Variants in EYS observed in about 807,000 individuals in gnomAD.
The protein encoded by EYS is EGF-like photoreceptor maintenance factor.
In EYS, 250 loss-of-function variants were observed where a neutral mutation model predicts 282.1. That is an observed-to-expected ratio of 0.89 (90% CI 0.80 to 0.98). The LOEUF (loss-of-function observed/expected upper bound fraction) is 0.98. Among genes scored for constraint, EYS ranks in the 50% least tolerant of loss-of-function variants. EYS has a pLI of 0.00. For missense variants in EYS, 4,016 were observed against 3,709.0 expected, an observed-to-expected ratio of 1.08 and a Z score of -2.15; for synonymous variants, 1,355 against 1,282.9, an observed-to-expected ratio of 1.06 and a Z score of -1.20.
chr6:65,103,399 G>A (rs1454972086), intron 12 of EYS, among the ~76,000 whole-genome samples: 7 of 151,390 alleles, frequency 4.6e-5, no homozygotes, highest in African/African-American at 1.7e-4. Context: ...ACATCCAATA[G>A]AGCTTTTTTA....
chr6:63,914,145 C>T (rs769868498), intron 35 of EYS, among the ~76,000 whole-genome samples: 2 of 152,116 alleles, frequency 1.3e-5, no homozygotes, highest in African/African-American at 4.8e-5. Flanking sequence ...CTCTAGGACT[C>T]CCTATACCCC....
At chr6:65,546,401 G>A (rs1311861800) in intron 2 of EYS, among the ~76,000 whole-genome samples, 1 of 151,416 alleles carries the variant, frequency 6.6e-6, no homozygotes, top group East Asian at 1.9e-4. Flanking sequence ...TGGCAAAACT[G>A]TGACTCTGTA....
chr6:64,692,687 C>A (rs185661554), intron 22 of EYS, among the ~76,000 whole-genome samples: 1 of 152,102 alleles, frequency 6.6e-6, no homozygotes, highest in African/African-American at 2.4e-5. Context: ...GGTAGGCATC[C>A]AGCTTCAGCC....
At chr6:64,446,648 T>C (rs76275933) in intron 26 of EYS, among the ~76,000 whole-genome samples, 5,118 of 152,150 alleles carry the variant, frequency 0.034, 200 homozygotes, top group African/African-American at 0.092. Flanking sequence ...TGTTTCTATA[T>C]ACAAGATTAA....
At chr6:65,316,377 A>G (rs1769295724) in intron 11 of EYS, among the ~76,000 whole-genome samples, 1 of 151,878 alleles carries the variant, frequency 6.6e-6, no homozygotes, top group Middle Eastern at 3.2e-3. Flanking sequence ...TTGATTTATT[A>G]TTTTCTCTTT....
At chr6:64,667,132 G>T (rs923520067) in intron 22 of EYS, among the ~76,000 whole-genome samples, 4 of 150,672 alleles carry the variant, frequency 2.7e-5, no homozygotes, top group South Asian at 4.2e-4. Context: ...AGGATTCTCT[G>T]CTTAATGAAA....
In EYS at chr6:65,405,365, G is replaced by C. The variant is rs772145998; in HGVS notation, c.865C>G (p.Pro289Ala). ...GGTTTTGCTGACACCTCACAGAATGGACCTTAAAAAAATCACACACAAGAA... is the reference window on the plus strand; with the variant it reads ...GGTTTTGCTGACACCTCACAGAATGCACCTTAAAAAAATCACACACAAGAA... ...ICECDEQFSG[P>A]FCEVSAKPCV... The change falls in exon 6 of 43, where the codon CCA (proline) becomes GCA (alanine). Residue 289 changes from proline (P) to alanine (A), a missense_variant and splice_region_variant. Coordinates refer to ENST00000503581, the MANE Select transcript of EYS (RefSeq NM_001142800.2). 3.1e-5 allele frequency: 49 copies of C among 1,590,864 alleles called. 1 individual carries two copies. In the South Asian group the frequency reaches 4.9e-4, roughly 16 times the overall value.
chr6:64,112,585 T>G (rs114355304), intron 31 of EYS, among the ~76,000 whole-genome samples: 4,347 of 151,846 alleles, frequency 0.029, 68 homozygotes, highest in Non-Finnish European at 0.046. Flanking sequence ...CATTATACAT[T>G]GACAACCAGT....
In EYS at chr6:65,057,706, A is replaced by G; in HGVS notation, c.2045T>C (p.Ile682Thr). ...GCAGGGATGTGAAGCACACTCATCT[A>G]TATCAATTTCACATTGCGTACCTTT... ...GFKGTQCEID[I>T]DECASHPCKN... The change falls in exon 13 of 43, where the codon ATA becomes ACA. Residue 682 changes from isoleucine (I) to threonine (T), a missense_variant. Coordinates refer to ENST00000503581, the MANE Select transcript of EYS (RefSeq NM_001142800.2). 2 of 1,550,136 alleles carry G rather than the reference A, an allele frequency of 1.3e-6. No homozygotes were observed. The highest frequency in any genetic ancestry group is 1.2e-5 in the South Asian group (1 of 84,012).
chr6:65,091,803 C>T (rs1423252921), intron 12 of EYS, among the ~76,000 whole-genome samples: 7 of 152,024 alleles, frequency 4.6e-5, no homozygotes, highest in Non-Finnish European at 1.0e-4. Flanking sequence ...TGTAGCCATT[C>T]GGTTGTAACC....
intron 2 of EYS, among the ~76,000 whole-genome samples, chr6:65,626,887 G>A (rs1275340111): frequency 1.5e-5 from 2 of 129,264 alleles, no homozygotes; most frequent in African/African-American, 2.5e-5. Flanking sequence ...ATGGAAATGG[G>A]CATATTATGT....
intron 12 of EYS, among the ~76,000 whole-genome samples, chr6:65,153,892 G>A (rs183285921): frequency 7.2e-5 from 11 of 151,838 alleles, no homozygotes; most frequent in African/African-American, 2.4e-4. Flanking sequence ...CTTCACAAGT[G>A]ACATTTATAT....
chr6:64,345,104 C>T (rs1019577583), intron 29 of EYS, among the ~76,000 whole-genome samples: 32 of 151,910 alleles, frequency 2.1e-4, no homozygotes, highest in African/African-American at 3.6e-4. Context: ...GACTCAATAT[C>T]GTGAAAATGG....
chr6:64,990,660 C>T (rs1187545314), intron 14 of EYS, among the ~76,000 whole-genome samples: 1 of 151,556 alleles, frequency 6.6e-6, no homozygotes, highest in African/African-American at 2.4e-5. Flanking sequence ...TCTCAGTGAT[C>T]TGCTATGTCT....
intron 12 of EYS, among the ~76,000 whole-genome samples, chr6:65,293,700 G>A (rs914327045): frequency 6.6e-5 from 10 of 151,828 alleles, no homozygotes; most frequent in African/African-American, 2.4e-4. Flanking sequence ...CTGGACGCTA[G>A]AGCTACCAAC....
chr6:64,513,016 A>G (rs1488757179), intron 26 of EYS, among the ~76,000 whole-genome samples: 1 of 151,904 alleles, frequency 6.6e-6, no homozygotes, highest in Non-Finnish European at 1.5e-5. Context: ...TAAAGGAAAA[A>G]AAAAAGAAAC....
chr6:64,546,602 A>C (rs1404143908), intron 26 of EYS, among the ~76,000 whole-genome samples: 1 of 152,206 alleles, frequency 6.6e-6, no homozygotes, highest in Non-Finnish European at 1.5e-5. Flanking sequence ...GAATGGGAGA[A>C]AGTTTTTGCA....
intron 31 of EYS, among the ~76,000 whole-genome samples, chr6:64,139,740 G>A (rs986125318): frequency 8.5e-5 from 13 of 152,202 alleles, no homozygotes; most frequent in African/African-American, 3.1e-4. Context: ...GGAGGCCGAG[G>A]TGGAAGGATC....
chr6:64,234,964 G>A (rs1766540471), intron 30 of EYS, among the ~76,000 whole-genome samples: 4 of 151,390 alleles, frequency 2.6e-5, no homozygotes, highest in Admixed American at 2.6e-4. Context: ...TGCAACCCCC[G>A]CCTCCCGGGT....
Sources: gnomAD v4.1 joint callset for allele counts (sites outside exome capture counted in the v4.1 genomes callset) on GRCh38, gnomAD v4.1.1 for gene constraint, MANE v1.5 for transcripts, NCBI Gene and HGNC (gene_info 2026-07-23, HGNC 2026-07-21) for gene names.